NCAN: variants seen among roughly 807,000 people sequenced by gnomAD.
The protein encoded by NCAN is neurocan core protein.
In NCAN, 47 loss-of-function variants were observed where a neutral mutation model predicts 121.8. The observed-to-expected ratio is 0.39, with a 90% CI of 0.31 to 0.49. The LOEUF is 0.49. Among genes scored for constraint, NCAN ranks in the 20% least tolerant of loss-of-function variants. The pLI, the probability that NCAN is intolerant of heterozygous loss-of-function variation, is 0.92. For synonymous variants in NCAN, 633 were observed against 702.0 expected, an observed-to-expected ratio of 0.90 and a Z score of 1.55; for missense variants, 1,517 against 1,773.4, an observed-to-expected ratio of 0.86 and a Z score of 2.60.
chr19:19,224,408 G>C lies in NCAN; in HGVS notation c.753G>C (p.Val251=). The change falls in exon 5 of 15, where the codon GTG becomes GTC. Residue 251 remains valine, a synonymous_variant. Coordinates refer to ENST00000252575, the MANE Select transcript of NCAN (RefSeq NM_004386.3). ...GCAACCCACAGGAACTCTACGATGTGTATTGCTTTGCCCGGGAGCTGGGGG... is the reference window on the plus strand; with the variant it reads ...GCAACCCACAGGAACTCTACGATGTCTATTGCTTTGCCCGGGAGCTGGGGG... ...GRRNPQELYD[V]YCFARELGGE... 6.2e-7 allele frequency: 1 copy of C among 1,613,920 alleles called. No homozygotes were observed. Among genetic ancestry groups the C allele is most frequent in the Non-Finnish European group, 8.5e-7 (1 of 1,179,910 alleles).
intron 9 of NCAN, among the ~76,000 whole-genome samples, chr19:19,234,543 C>T (rs538681543): frequency 2.9e-4 from 44 of 152,286 alleles, no homozygotes; most frequent in African/African-American, 1.0e-3. Flanking sequence ...TGCCCAGTGC[C>T]ATACGTGCCT....
At chr19:19,231,112 A>G (rs1425874032) in intron 8 of NCAN, among the ~76,000 whole-genome samples, 2 of 151,920 alleles carry the variant, frequency 1.3e-5, no homozygotes, top group African/African-American at 2.4e-5. Context: ...AAAGGCTGAC[A>G]TTTATGGGTT....
intron 3 of NCAN, among the ~76,000 whole-genome samples, chr19:19,220,449 T>TG (rs2060812131): frequency 1.7e-5 from 2 of 115,482 alleles, no homozygotes; most frequent in Non-Finnish European, 3.6e-5. Context: ...TTTAGGCAAT[T>TG]CTTTTTTTTT....
intron 2 of NCAN, among the ~76,000 whole-genome samples, chr19:19,217,572 T>C (rs2060800371): frequency 6.6e-6 from 1 of 152,238 alleles, no homozygotes; most frequent in Non-Finnish European, 1.5e-5. Context: ...CACCATTTCC[T>C]TTTCATTAGC....
At chr19:19,231,055 T>A (rs1450082485) in intron 8 of NCAN, among the ~76,000 whole-genome samples, 2 of 152,044 alleles carry the variant, frequency 1.3e-5, no homozygotes, top group African/African-American at 2.4e-5. Context: ...AGTTCTTTTT[T>A]TCTTAGATGT....
In NCAN at chr19:19,227,456, A is replaced by G. The variant is rs2060841807; in HGVS notation, c.1836A>G (p.Ser612=). The G allele has an allele frequency of 1.9e-6, 3 of 1,613,318 alleles. No individual in the cohort carries two copies. In the African/African-American group the frequency reaches 4.0e-5, roughly 22 times the overall value. The change falls in exon 8 of 15, where the codon TCA becomes TCG. Residue 612 remains serine, a synonymous_variant. Coordinates refer to ENST00000252575, the MANE Select transcript of NCAN (RefSeq NM_004386.3). The surrounding 1 kb of genome is among the most constrained non-coding windows in gnomAD (Gnocchi z 4.2). The part of the protein sequence containing the change: ...LFWSPLEATV[S]APSPAPWEAF... ...GGTCCCCCTTGGAGGCCACTGTCTC[A>G]GCTCCCAGCCCTGCCCCCTGGGAGG... is the stretch of plus-strand genomic sequence containing the variant.
intron 8 of NCAN, among the ~76,000 whole-genome samples, chr19:19,231,038 G>T (rs577334656): frequency 6.6e-6 from 1 of 151,886 alleles, no homozygotes; most frequent in Non-Finnish European, 1.5e-5. Flanking sequence ...GAGCCGTAGC[G>T]CCGGGCAGTT....
Position 19,227,166 on chromosome 19 carries a change from C to T in NCAN, c.1660+93C>T. The T allele has an allele frequency of 6.7e-7, 1 of 1,490,410 alleles. No individual in the cohort carries two copies. 92.3% of individuals were successfully genotyped at this position (1,490,410 alleles called of 1,614,324 possible). On this transcript the variant is annotated intron_variant, in intron 7 of 14. Transcript: ENST00000252575. The surrounding 1 kb of genome is among the most constrained non-coding windows in gnomAD (Gnocchi z 4.2). Reference sequence around the variant, plus strand: ...GCTACACTCAGAATGAGGGAGGAAGCTCCAAATCCCAGCTGGGTCCTCTGG... The same window carrying T: ...GCTACACTCAGAATGAGGGAGGAAGTTCCAAATCCCAGCTGGGTCCTCTGG...
At chr19:19,223,771 A>C (rs2188883) in intron 3 of NCAN, among the ~76,000 whole-genome samples, 21,937 of 152,132 alleles carry the variant, frequency 0.14, 2,355 homozygotes, top group African/African-American at 0.29. Context: ...ACATGCCTGA[A>C]CGGCCGTAAA....
At chr19:19,231,033 G>T (rs561367600) in intron 8 of NCAN, among the ~76,000 whole-genome samples, 6 of 151,914 alleles carry the variant, frequency 3.9e-5, no homozygotes, top group African/African-American at 1.4e-4. Context: ...GACATGAGCC[G>T]TAGCGCCGGG....
intron 1 of NCAN, among the ~76,000 whole-genome samples, chr19:19,214,645 G>A (rs771733865): frequency 3.6e-4 from 55 of 152,208 alleles, no homozygotes; most frequent in Non-Finnish European, 6.8e-4. Context: ...TACAGGTGGG[G>A]AAACTGAGGC....
intron 9 of NCAN, among the ~76,000 whole-genome samples, chr19:19,234,305 T>TACA (rs1278703830): frequency 6.6e-6 from 1 of 152,220 alleles, no homozygotes; most frequent in Non-Finnish European, 1.5e-5. Flanking sequence ...ATTATGAAAT[T>TACA]ACAACAACAA....
chr19:19,219,859 T>TAAA (rs35998446), intron 3 of NCAN, among the ~76,000 whole-genome samples: 1 of 128,226 alleles, frequency 7.8e-6, no homozygotes, highest in Non-Finnish European at 1.7e-5. Flanking sequence ...ACCCCGTCTT[T>TAAA]AAAAAAAAAA....
At chr19:19,238,160 T>G in intron 10 of NCAN, 93 bp from the exon 11 acceptor site, 1 of 1,536,842 alleles carries the variant, frequency 6.5e-7, no homozygotes, top group African/African-American at 1.4e-5. Context: ...TGACCTTGGA[T>G]TGGGCCCTCT....
At position 19,226,892 on chromosome 19, in the gene NCAN, G is replaced by A; in HGVS notation, c.1479G>A (p.Gln493=). ...GGTTGAATGGGCGCTACTTCCAGCA[G>A]CAGGAACCGGAGCCGGGGCTGCAAG... ...FKGLNGRYFQ[Q]QEPEPGLQGG... is the part of the protein sequence containing the mutation. Residue 493 remains glutamine (Q), a synonymous_variant, in exon 7 of 15, where the codon CAG becomes CAA. Transcript: ENST00000252575. The A allele has an allele frequency of 6.2e-7, 1 of 1,609,866 alleles. No individual in the cohort carries two copies. The highest frequency in any genetic ancestry group is 8.5e-7 in the Non-Finnish European group (1 of 1,177,784).
intron 8 of NCAN, among the ~76,000 whole-genome samples, chr19:19,232,165 GGGCTGA>G (rs1007277867): frequency 6.6e-6 from 1 of 152,144 alleles, no homozygotes; most frequent in African/African-American, 2.4e-5. Context: ...AGCTGCACCT[GGGCTGA>G]GGCTGAGTCT....
Position 19,212,378 on chromosome 19 carries a change from G to GC in NCAN, c.-8+320dup, listed in dbSNP as rs1202711900. Among the ~76,000 whole-genome samples the GC allele has an allele frequency of 1.3e-5, 2 of 152,076 alleles. No homozygotes were observed. The highest frequency in any genetic ancestry group is 2.4e-5 in the African/African-American group (1 of 41,418). ...AATGGGAAACAGGGCTAGGGGAGGG[G>GC]CCCCCCGAGTTTGGAGGGAAGAAGA... On this transcript the variant is annotated intron_variant, in intron 1 of 14. Transcript: ENST00000252575. This position sits in a 1 kb window ranked among gnomAD's most constrained non-coding sequence, Gnocchi z 4.5.
At chr19:19,237,081 A>ATT (rs113420782) in intron 10 of NCAN, among the ~76,000 whole-genome samples, 5 of 142,522 alleles carry the variant, frequency 3.5e-5, no homozygotes, top group South Asian at 2.2e-4. Flanking sequence ...ACGTGACTCA[A>ATT]TTTTTTTTTT....
rs779620145 is a variant in NCAN, at chr19:19,245,282, C to T, written c.3493-31C>T. ...GAACCTGGGCTGGAACAGAGGTCCCCTGAACAACTCCCTGCCCCCTATTCC... is the reference window on the plus strand; with the variant it reads ...GAACCTGGGCTGGAACAGAGGTCCCTTGAACAACTCCCTGCCCCCTATTCC... On this transcript the variant is annotated intron_variant, in intron 12 of 14. Transcript: ENST00000252575. 1.6e-5 allele frequency: 26 copies of T among 1,611,530 alleles called. No homozygotes were observed. The Admixed American group carries it at 2.7e-4, about 17-fold the overall frequency.
Sources: gnomAD v4.1 joint callset for allele counts (sites outside exome capture counted in the v4.1 genomes callset) on GRCh38, gnomAD v4.1.1 for gene constraint, Gnocchi (gnomAD v3.1) non-coding constraint, MANE v1.5 for transcripts, NCBI Gene and HGNC (gene_info 2026-07-23, HGNC 2026-07-21) for gene names.